The following EYA4 variants were observed in gnomAD, a reference collection of about 807,000 sequenced individuals.
The protein encoded by EYA4 is EYA transcriptional coactivator and phosphatase 4.
EYA4 carries 31 observed loss-of-function variants against 87.9 expected under a neutral mutation model. That is an observed-to-expected ratio of 0.35 (90% CI 0.27 to 0.48). EYA4 has a LOEUF of 0.48. Among genes scored for constraint, EYA4 ranks in the 20% least tolerant of loss-of-function variants. The probability of loss-of-function intolerance (pLI) is 0.99; values close to 1 mark genes in which losing one functional copy is unlikely to be tolerated. For synonymous variants in EYA4, 263 were observed against 270.6 expected (o/e 0.97, Z 0.28); for missense variants, 678 against 761.4 (o/e 0.89, Z 1.29).
intron 3 of EYA4, among the ~76,000 whole-genome samples, chr6:133,421,195 C>T (rs904986703): frequency 6.6e-6 from 1 of 152,128 alleles, no homozygotes; most frequent in African/African-American, 2.4e-5. Context: ...ATGCACCCAA[C>T]CAAAGTGTGC....
At chr6:133,248,444 C>T (rs1774598964) in intron 1 of EYA4, 1 of 152,188 alleles carries the variant, frequency 6.6e-6, no homozygotes, top group Admixed American at 6.5e-5. Context: ...GCTCATTATG[C>T]ACAAGGTCAT....
chr6:133,371,465 A>G (rs996742725), intron 2 of EYA4, among the ~76,000 whole-genome samples: 8 of 152,208 alleles, frequency 5.3e-5, no homozygotes, highest in African/African-American at 1.7e-4. Flanking sequence ...TTTCTAACCG[A>G]AAGTTCACTA....
intron 2 of EYA4, among the ~76,000 whole-genome samples, chr6:133,340,501 G>C (rs1782701058): frequency 6.6e-6 from 1 of 152,180 alleles, no homozygotes; most frequent in Admixed American, 6.5e-5. Context: ...AATTAAATTA[G>C]GGTAGGTGAG....
At chr6:133,452,595 G>T (rs1340116082) in intron 5 of EYA4, among the ~76,000 whole-genome samples, 1 of 152,100 alleles carries the variant, frequency 6.6e-6, no homozygotes, top group African/African-American at 2.4e-5. Flanking sequence ...CTGTGATTTA[G>T]TAGCCATTAC....
intron 2 of EYA4, among the ~76,000 whole-genome samples, chr6:133,332,747 A>G (rs1443266156): frequency 8.6e-6 from 1 of 116,198 alleles, no homozygotes; most frequent in Non-Finnish European, 1.8e-5. Flanking sequence ...GTATTTTAGC[A>G]GAGACGGGGT....
rs532746130 is a variant in EYA4 at position 133,527,824 on chromosome 6, T to A, written c.1840-901T>A. 9.8e-5 allele frequency among the ~76,000 whole-genome samples: 15 copies of A among 152,338 alleles called. No individual in the cohort carries two copies. In the South Asian group the frequency reaches 2.9e-3, roughly 29 times the overall value. ...TATACATGAATATTTTATACGTACA[T>A]ATTCTAGAAGATGTCATCAGCCCAA... On this transcript the variant is annotated intron_variant, in intron 19 of 19. Transcript: ENST00000355286.
intron 10 of EYA4, among the ~76,000 whole-genome samples, chr6:133,468,074 A>C (rs1298830906): frequency 6.6e-6 from 1 of 152,050 alleles, no homozygotes; most frequent in Non-Finnish European, 1.5e-5. Flanking sequence ...CCTCCTGCCA[A>C]GAAAACAGAA....
chr6:133,415,864 A>G (rs1423186561), intron 3 of EYA4, among the ~76,000 whole-genome samples: 1 of 152,222 alleles, frequency 6.6e-6, no homozygotes, highest in Non-Finnish European at 1.5e-5. Flanking sequence ...AACAAGTATA[A>G]AACAGCGTGG....
At chr6:133,463,846 T>C (rs181595314) in intron 9 of EYA4, among the ~76,000 whole-genome samples, 5 of 152,154 alleles carry the variant, frequency 3.3e-5, no homozygotes, top group African/African-American at 1.2e-4. Context: ...TACTTAGATA[T>C]GTTCAGCTGG....
intron 2 of EYA4, among the ~76,000 whole-genome samples, chr6:133,319,191 A>G (rs1249686734): frequency 1.3e-5 from 2 of 152,128 alleles, no homozygotes; most frequent in Non-Finnish European, 2.9e-5. Context: ...GAAGAATTCA[A>G]CCCCAGGGCT....
At chr6:133,435,887 C>T (rs1791623130) in intron 3 of EYA4, among the ~76,000 whole-genome samples, 1 of 151,878 alleles carries the variant, frequency 6.6e-6, no homozygotes, top group Non-Finnish European at 1.5e-5. Flanking sequence ...ACACACCCCC[C>T]CTCACTCATT....
chr6:133,509,741 T>C (rs1798977863), intron 14 of EYA4, among the ~76,000 whole-genome samples: 2 of 152,246 alleles, frequency 1.3e-5, no homozygotes. Flanking sequence ...TTGGTCACTT[T>C]GTGAGACAAA....
At chr6:133,376,604 C>A (rs777165525) in intron 2 of EYA4, among the ~76,000 whole-genome samples, 16 of 151,790 alleles carry the variant, frequency 1.1e-4, no homozygotes, top group Non-Finnish European at 5.9e-5. Flanking sequence ...AATAAAAGAA[C>A]CTTGCTCTTA....
intron 2 of EYA4, among the ~76,000 whole-genome samples, chr6:133,372,626 A>G (rs1390402430): frequency 1.5e-4 from 23 of 151,938 alleles, no homozygotes; most frequent in Non-Finnish European, 2.9e-5. Context: ...CTTGATGCCA[A>G]CATTCTTGAA....
intron 1 of EYA4, among the ~76,000 whole-genome samples, chr6:133,250,384 G>T (rs1264425194): frequency 6.6e-6 from 1 of 152,098 alleles, no homozygotes; most frequent in Non-Finnish European, 1.5e-5. Context: ...GCTCACACTT[G>T]TAATCCCAGC....
chr6:133,505,380 T>A lies in EYA4; in HGVS notation c.1192-726T>A, dbSNP rs554023746. 1.4e-4 allele frequency among the ~76,000 whole-genome samples: 22 copies of A among 152,288 alleles called. No homozygotes were observed. The South Asian group carries it at 4.6e-3, about 32-fold the overall frequency. On this transcript the variant is annotated intron_variant, in intron 13 of 19. Transcript: ENST00000355286. ...TTTCTGTAAACAAAAATTGAGTCAT[T>A]TTAACTCTTTACTGACCCCATCACT...
intron 5 of EYA4, among the ~76,000 whole-genome samples, chr6:133,454,554 T>C (rs1793744687): frequency 6.6e-6 from 1 of 152,244 alleles, no homozygotes; most frequent in East Asian, 1.9e-4. Flanking sequence ...AGTTTCCTTA[T>C]CTGAAAAATA....
In EYA4 at chr6:133,282,374, C is replaced by T. The variant is rs76209733; in HGVS notation, c.33+7561C>T. On this transcript the variant is annotated intron_variant, in intron 2 of 19. Coordinates refer to ENST00000355286, the MANE Select transcript of EYA4 (RefSeq NM_004100.5). Reference sequence around the variant, plus strand: ...TAAGCATTTGTTCATGTTTGTTGGCCGCTTGTATGTCCTCTTTTGAGAAAT... The same window carrying T: ...TAAGCATTTGTTCATGTTTGTTGGCTGCTTGTATGTCCTCTTTTGAGAAAT... Among the ~76,000 whole-genome samples the T allele has an allele frequency of 3.2e-3, 489 of 152,094 alleles. 2 individuals carry two copies. Among genetic ancestry groups the T allele is most frequent in the Middle Eastern group, 0.024 (7 of 294 alleles).
At position 133,382,493 on chromosome 6, in the gene EYA4, G is replaced by A. The variant is rs752596588; in HGVS notation, c.83+52G>A. The A allele has an allele frequency of 2.5e-6, 3 of 1,206,384 alleles. No individual in the cohort carries two copies. The East Asian group carries it at 7.0e-5, about 28-fold the overall frequency. 74.7% of individuals were successfully genotyped at this position (1,206,384 alleles called of 1,614,324 possible). On this transcript the variant is annotated intron_variant, in intron 3 of 19. Transcript: ENST00000355286. ...CCCTAAGGAGAATTGCAGTTTCGGA[G>A]CACTAGTAAGATGTTATACCTGAGA...
Sources: gnomAD v4.1 joint callset for allele counts (sites outside exome capture counted in the v4.1 genomes callset) on GRCh38, gnomAD v4.1.1 for gene constraint, MANE v1.5 for transcripts, NCBI Gene and HGNC (gene_info 2026-07-23, HGNC 2026-07-21) for gene names.